Variants in TTC7B observed in about 807,000 individuals in gnomAD.
The protein encoded by TTC7B is tetratricopeptide repeat domain 7B, also known as tetratricopeptide repeat protein 7B.
A neutral mutation model predicts 106.8 loss-of-function variants in TTC7B; 28 were observed. The ratio of observed to expected loss-of-function variants is 0.26; its 90% CI spans 0.19 to 0.36. The LOEUF (loss-of-function observed/expected upper bound fraction) is 0.36. TTC7B is among the 10% of genes least tolerant of loss of function. The probability of loss-of-function intolerance (pLI) is 1.00; values close to 1 mark genes in which losing one functional copy is unlikely to be tolerated. For missense variants in TTC7B, 862 were observed against 1,076.4 expected, an observed-to-expected ratio of 0.80 and a Z score of 2.79; for synonymous variants, 405 against 430.6, an observed-to-expected ratio of 0.94 and a Z score of 0.74.
intron 7 of TTC7B, among the ~76,000 whole-genome samples, chr14:90,686,348 A>G (rs1429710713): frequency 6.6e-6 from 1 of 152,214 alleles, no homozygotes; most frequent in Non-Finnish European, 1.5e-5. Flanking sequence ...GGGCATCTAT[A>G]AAAGCCCACA....
intron 7 of TTC7B, among the ~76,000 whole-genome samples, chr14:90,685,229 CTG>C (rs1887210535): frequency 1.3e-5 from 2 of 152,184 alleles, no homozygotes; most frequent in Admixed American, 6.5e-5. Flanking sequence ...TCATAAGAGA[CTG>C]TGGAGAAGGA....
intron 4 of TTC7B, among the ~76,000 whole-genome samples, chr14:90,735,680 G>A (rs957122463): frequency 2.0e-5 from 3 of 151,844 alleles, no homozygotes; most frequent in South Asian, 2.1e-4. Context: ...GCAACACAGC[G>A]AAACCTCATC....
intron 19 of TTC7B, chr14:90,569,825 T>C (rs909972044): frequency 1.3e-5 from 2 of 152,390 alleles, no homozygotes; most frequent in Admixed American, 1.3e-4. Flanking sequence ...TCAGCTGTGA[T>C]TGCCCATGTG....
intron 16 of TTC7B, among the ~76,000 whole-genome samples, chr14:90,612,205 T>C (rs1042483910): frequency 6.6e-6 from 1 of 152,222 alleles, no homozygotes; most frequent in Non-Finnish European, 1.5e-5. Context: ...GACATGTTTT[T>C]TGGAAACTGC....
intron 1 of TTC7B, among the ~76,000 whole-genome samples, chr14:90,800,528 C>A (rs540399476): frequency 2.0e-5 from 3 of 152,144 alleles, no homozygotes; most frequent in African/African-American, 7.2e-5. Flanking sequence ...AGGTCAGAGT[C>A]CGGCCAGGCG....
At chr14:90,609,158 C>A (rs1286458) in intron 17 of TTC7B, among the ~76,000 whole-genome samples, 83,456 of 152,062 alleles carry the variant, frequency 0.55, 25,769 homozygotes, top group African/African-American at 0.85. Context: ...TCCAGCCAGG[C>A]TCTCTGCCTG....
In TTC7B at chr14:90,767,133, C is replaced by T. The variant is rs1168191383; in HGVS notation, c.445+13605G>A. 5.9e-5 allele frequency: 35 copies of T among 591,768 alleles called. 1 individual carries two copies. The highest frequency in any genetic ancestry group is 4.5e-4 in the Middle Eastern group (1 of 2,230). The allele number at this position is 591,768 out of a possible 1,614,324, so 36.7% of individuals were successfully genotyped here. A position where few individuals can be genotyped will look rare whatever the true frequency, so the allele number is the denominator to read the frequency against. ...CTTTGGGAGGCTGAGGCAGGAGCAT[C>T]GCTTGAGCCCAGGAGCTCAAGGTTA... On this transcript the variant is annotated intron_variant, in intron 3 of 19. Coordinates refer to ENST00000328459, the MANE Select transcript of TTC7B (RefSeq NM_001010854.2).
At chr14:90,736,407 C>A (rs1050302485) in intron 4 of TTC7B, among the ~76,000 whole-genome samples, 3 of 151,842 alleles carry the variant, frequency 2.0e-5, no homozygotes, top group African/African-American at 7.3e-5. Flanking sequence ...TCCGTCTCTA[C>A]TAAAAATACA....
At chr14:90,722,027 G>T (rs1417494958) in intron 5 of TTC7B, among the ~76,000 whole-genome samples, 1 of 152,206 alleles carries the variant, frequency 6.6e-6, no homozygotes, top group African/African-American at 2.4e-5. Flanking sequence ...CTATTACGAA[G>T]ATCTCCCTTC....
At chr14:90,653,151 G>C (rs1022011716) in intron 12 of TTC7B, among the ~76,000 whole-genome samples, 1 of 152,194 alleles carries the variant, frequency 6.6e-6, no homozygotes, top group Non-Finnish European at 1.5e-5. Flanking sequence ...GGTCACTCTT[G>C]GTACTCCCAG....
In TTC7B at chr14:90,708,406, T is replaced by G. The variant is rs1194935264; in HGVS notation, c.699-12828A>C. On this transcript the variant is annotated intron_variant, in intron 5 of 19. Coordinates refer to ENST00000328459, the MANE Select transcript of TTC7B (RefSeq NM_001010854.2). ...CTCTTGCAGGAGCTAATGCAACTGG[T>G]GACTTTGAGTTGAAACCAATGCTCA... Among the ~76,000 whole-genome samples the G allele has an allele frequency of 1.3e-5, 2 of 152,316 alleles. 1 individual carries two copies.
intron 1 of TTC7B, among the ~76,000 whole-genome samples, chr14:90,787,240 A>G (rs910456804): frequency 1.3e-5 from 2 of 152,178 alleles, no homozygotes; most frequent in Non-Finnish European, 2.9e-5. Context: ...TTACGGTTAT[A>G]ACTTGTTGAT....
At chr14:90,635,944 AC>A (rs1884922491) in intron 15 of TTC7B, among the ~76,000 whole-genome samples, 1 of 151,604 alleles carries the variant, frequency 6.6e-6, no homozygotes, top group South Asian at 2.1e-4. Flanking sequence ...ACATGGTGAA[AC>A]CCCGTCTCTA....
intron 5 of TTC7B, among the ~76,000 whole-genome samples, chr14:90,718,004 T>G (rs944888365): frequency 2.6e-5 from 4 of 152,206 alleles, no homozygotes; most frequent in African/African-American, 4.8e-5. Flanking sequence ...AGACAGGATA[T>G]GAATTCCTTC....
chr14:90,804,539 C>T (rs1167959482), intron 1 of TTC7B, among the ~76,000 whole-genome samples: 5 of 152,030 alleles, frequency 3.3e-5, no homozygotes, highest in Non-Finnish European at 7.4e-5. Flanking sequence ...TGATTCCAGG[C>T]GGAAAGGAGG....
chr14:90,701,158 T>C (rs1461368643), intron 5 of TTC7B, among the ~76,000 whole-genome samples: 4 of 152,036 alleles, frequency 2.6e-5, no homozygotes, highest in Non-Finnish European at 5.9e-5. Context: ...ACGGAGGGTG[T>C]GACAGCCATC....
intron 16 of TTC7B, among the ~76,000 whole-genome samples, chr14:90,615,863 A>T (rs1475405612): frequency 6.6e-6 from 1 of 152,104 alleles, no homozygotes; most frequent in African/African-American, 2.4e-5. Flanking sequence ...CGGAGGGGGA[A>T]TTCTGAGTGA....
rs1440523088 is a variant in TTC7B at position 90,647,817 on chromosome 14, G to A, written c.1518-794C>T. Among the ~76,000 whole-genome samples the A allele has an allele frequency of 2.0e-5, 3 of 152,142 alleles. No homozygotes were observed. The East Asian group carries it at 5.8e-4, about 29-fold the overall frequency. On this transcript the variant is annotated intron_variant, in intron 13 of 19. Coordinates refer to ENST00000328459, the MANE Select transcript of TTC7B (RefSeq NM_001010854.2). ...TAATTCTGTGTTTAACTGCTGGGAA[G>A]AGAAAAACAAACTTCTACTTTCTTT...
intron 8 of TTC7B, among the ~76,000 whole-genome samples, chr14:90,677,169 A>G (rs1431772614): frequency 6.6e-6 from 1 of 152,252 alleles, no homozygotes; most frequent in African/African-American, 2.4e-5. Flanking sequence ...CTTTTCCTCT[A>G]TCACCAAGCA....
Sources: gnomAD v4.1 joint callset for allele counts (sites outside exome capture counted in the v4.1 genomes callset) on GRCh38, gnomAD v4.1.1 for gene constraint, MANE v1.5 for transcripts, NCBI Gene and HGNC (gene_info 2026-07-23, HGNC 2026-07-21) for gene names.